Variants in SLC1A1 observed in about 807,000 individuals in gnomAD.
The protein encoded by SLC1A1 is solute carrier family 1 member 1.
SLC1A1 carries 43 observed loss-of-function variants against 53.3 expected under a neutral mutation model. The ratio of observed to expected loss-of-function variants is 0.81; its 90% CI spans 0.63 to 1.04. The LOEUF (loss-of-function observed/expected upper bound fraction) is 1.04. Among genes scored for constraint, SLC1A1 ranks in the 50% least tolerant of loss-of-function variants. The pLI, the probability that SLC1A1 is intolerant of heterozygous loss-of-function variation, is 0.00. For synonymous variants in SLC1A1, 307 were observed against 243.2 expected (o/e 1.26, Z -2.44); for missense variants, 748 against 664.9 (o/e 1.12, Z -1.37).
intron 1 of SLC1A1, among the ~76,000 whole-genome samples, chr9:4,503,299 T>C (rs974306561): frequency 6.6e-6 from 1 of 151,820 alleles, no homozygotes; most frequent in Non-Finnish European, 1.5e-5. Context: ...ATGAAAAGTA[T>C]TGTTTGTTGC....
intron 1 of SLC1A1, among the ~76,000 whole-genome samples, chr9:4,530,654 C>A (rs1315654420): frequency 2.6e-5 from 4 of 152,136 alleles, no homozygotes; most frequent in Admixed American, 2.0e-4. Flanking sequence ...CAGTGCAAAC[C>A]ACATTTCCTG....
At chr9:4,550,259 T>C (rs1397402924) in intron 2 of SLC1A1, among the ~76,000 whole-genome samples, 1 of 152,264 alleles carries the variant, frequency 6.6e-6, no homozygotes, top group Non-Finnish European at 1.5e-5. Flanking sequence ...TTTAACACTC[T>C]ACCCTTGGAA....
At chr9:4,541,557 G>A (rs562379510) in intron 1 of SLC1A1, among the ~76,000 whole-genome samples, 1 of 152,182 alleles carries the variant, frequency 6.6e-6, no homozygotes, top group Non-Finnish European at 1.5e-5. Context: ...CATACTTAGA[G>A]AGAAAGGGTC....
chr9:4,518,103 G>T (rs1265589772), intron 1 of SLC1A1, among the ~76,000 whole-genome samples: 2 of 151,646 alleles, frequency 1.3e-5, no homozygotes, highest in Non-Finnish European at 2.9e-5. Flanking sequence ...AAGCATGGTG[G>T]TGGGTGCCTG....
At position 4,585,161 on chromosome 9, in the gene SLC1A1, C is replaced by A. The variant is rs971317237; in HGVS notation, c.1329-151C>A. 1.1e-4 allele frequency: 104 copies of A among 971,024 alleles called. 1 individual carries two copies. The African/African-American group carries it at 1.6e-3, about 15-fold the overall frequency. The allele number at this position is 971,024 out of a possible 1,614,324, so 60.2% of individuals were successfully genotyped here. On this transcript the variant is annotated intron_variant, in intron 11 of 11. Coordinates refer to ENST00000262352, the MANE Select transcript of SLC1A1 (RefSeq NM_004170.6). ...TGTGCCTTTATGAACAACCCCAGGC[C>A]TGTGAGGAGCCTTCAGTCAGTCAGC...
intron 1 of SLC1A1, among the ~76,000 whole-genome samples, chr9:4,507,644 A>C (rs1255616055): frequency 6.6e-6 from 1 of 152,172 alleles, no homozygotes; most frequent in African/African-American, 2.4e-5. Flanking sequence ...TCAAGATGAC[A>C]CAAGTTTTGT....
intron 2 of SLC1A1, among the ~76,000 whole-genome samples, chr9:4,551,239 C>T (rs1817902970): frequency 6.6e-6 from 1 of 152,082 alleles, no homozygotes; most frequent in Non-Finnish European, 1.5e-5. Context: ...GCTATGTATT[C>T]ATTTACTCAG....
chr9:4,563,672 T>G (rs1258431892), intron 3 of SLC1A1, among the ~76,000 whole-genome samples: 1 of 152,176 alleles, frequency 6.6e-6, no homozygotes, highest in Non-Finnish European at 1.5e-5. Context: ...CATCTTGGCT[T>G]GGATACTCAA....
chr9:4,506,894 C>A (rs1394903392), intron 1 of SLC1A1, among the ~76,000 whole-genome samples: 1 of 152,176 alleles, frequency 6.6e-6, no homozygotes, highest in East Asian at 1.9e-4. Flanking sequence ...TCCATGAGGG[C>A]AGTACTAAGG....
At chr9:4,541,539 T>A (rs565962893) in intron 1 of SLC1A1, among the ~76,000 whole-genome samples, 50 of 152,238 alleles carry the variant, frequency 3.3e-4, no homozygotes, top group Middle Eastern at 3.4e-3. Context: ...TAGTCTATAA[T>A]GAAGATCCAT....
intron 1 of SLC1A1, among the ~76,000 whole-genome samples, chr9:4,493,542 GA>G (rs937584178): frequency 6.6e-6 from 1 of 151,880 alleles, no homozygotes; most frequent in Non-Finnish European, 1.5e-5. Flanking sequence ...ACTTAAAGAA[GA>G]AAAAAAACTG....
intron 1 of SLC1A1, among the ~76,000 whole-genome samples, chr9:4,520,669 T>C (rs981577129): frequency 1.3e-5 from 2 of 152,242 alleles, no homozygotes; most frequent in Non-Finnish European, 2.9e-5. Context: ...CAATAATAAA[T>C]TGGGCACTTA....
chr9:4,568,924 TATTG>T (rs907230606), intron 6 of SLC1A1, among the ~76,000 whole-genome samples: 1 of 152,188 alleles, frequency 6.6e-6, no homozygotes, highest in Non-Finnish European at 1.5e-5. Flanking sequence ...CAATGTTATA[TATTG>T]ATTGTTTGCT....
chr9:4,527,246 C>T (rs149403988), intron 1 of SLC1A1, among the ~76,000 whole-genome samples: 25 of 152,224 alleles, frequency 1.6e-4, no homozygotes, highest in African/African-American at 5.1e-4. Context: ...AGGAATACAG[C>T]CTAATTGACA....
intron 1 of SLC1A1, among the ~76,000 whole-genome samples, chr9:4,514,597 G>C (rs1254400415): frequency 3.9e-5 from 6 of 151,974 alleles, no homozygotes; most frequent in Non-Finnish European, 8.8e-5. Context: ...ATAAATAAAG[G>C]CTCAAAGACA....
intron 7 of SLC1A1, among the ~76,000 whole-genome samples, chr9:4,573,142 C>A (rs1586835981): frequency 1.3e-5 from 2 of 152,320 alleles, no homozygotes; most frequent in East Asian, 3.9e-4. Context: ...GTGAGCATAC[C>A]AGTGACACCA....
chr9:4,532,665 C>T (rs930865109), intron 1 of SLC1A1, among the ~76,000 whole-genome samples: 2 of 152,070 alleles, frequency 1.3e-5, no homozygotes, highest in African/African-American at 4.8e-5. Context: ...GAGAACTTCC[C>T]CAACCCAGCA....
intron 1 of SLC1A1, among the ~76,000 whole-genome samples, chr9:4,505,838 G>A (rs1190695534): frequency 2.0e-5 from 3 of 151,890 alleles, no homozygotes; most frequent in Non-Finnish European, 4.4e-5. Context: ...TGTACTTTTA[G>A]TTTTTGGGAT....
At chr9:4,532,501 G>C (rs541501204) in intron 1 of SLC1A1, among the ~76,000 whole-genome samples, 2 of 152,216 alleles carry the variant, frequency 1.3e-5, no homozygotes, top group Non-Finnish European at 1.5e-5. Context: ...AGTGAGAAGA[G>C]AAGTTTAGAG....
Sources: gnomAD v4.1 joint callset for allele counts (sites outside exome capture counted in the v4.1 genomes callset) on GRCh38, gnomAD v4.1.1 for gene constraint, MANE v1.5 for transcripts, NCBI Gene and HGNC (gene_info 2026-07-23, HGNC 2026-07-21) for gene names.